The following PPFIBP2 variants were observed in gnomAD, a reference collection of about 807,000 sequenced individuals.
PPFIBP2 encodes PPFIB scaffold protein 2.
PPFIBP2 carries 118 observed loss-of-function variants against 118.3 expected under a neutral mutation model. That is an observed-to-expected ratio of 1.00 (90% CI 0.86 to 1.16). The LOEUF (loss-of-function observed/expected upper bound fraction) is 1.16, where lower values mean the gene tolerates loss of function less well. PPFIBP2 is among the 50% of genes most tolerant of loss of function. PPFIBP2 has a pLI of 0.00. For missense variants in PPFIBP2, 1,195 were observed against 1,073.1 expected (o/e 1.11, Z -1.59); for synonymous variants, 414 against 397.4 (o/e 1.04, Z -0.50).
intron 5 of PPFIBP2, among the ~76,000 whole-genome samples, chr11:7,601,869 G>A (rs1216923700): frequency 6.6e-6 from 1 of 151,842 alleles, no homozygotes; most frequent in East Asian, 1.9e-4. Flanking sequence ...CGAGGTGGAT[G>A]GATAACCCGA....
Position 7,641,548 on chromosome 11 carries a change from AATCAGGTCCTCAGTC to A in PPFIBP2, c.1446_1460del (p.Glu482_Ser487delinsAsp). On this transcript the variant is annotated inframe_deletion, in exon 16 of 24. Transcript: ENST00000299492. ...CTCTCATCCACATCATCGGGCACTG[AATCAGGTCCTCAGTC>A]TCCTCTGACACCAGATGGTAAACGG... 6.2e-7 allele frequency: 1 copy of A among 1,613,822 alleles called. No homozygotes were observed. The highest frequency in any genetic ancestry group is 8.5e-7 in the Non-Finnish European group (1 of 1,179,660).
chr11:7,615,542 C>T (rs1848539205), intron 6 of PPFIBP2, among the ~76,000 whole-genome samples: 3 of 152,072 alleles, frequency 2.0e-5, no homozygotes, highest in African/African-American at 7.3e-5. Context: ...ACACAAGGGG[C>T]AGTAATGGAG....
rs555631544 is a variant in PPFIBP2, at chr11:7,517,705, G to A, written c.-37+3584G>A. On this transcript the variant is annotated intron_variant, in intron 1 of 23. Coordinates refer to ENST00000299492, the MANE Select transcript of PPFIBP2 (RefSeq NM_003621.5). ...GACTTAGGAGGACTGGGTGGGTCCTGAAAAATTAGGTAAAGCAGAGTAGGT... is the reference window on the plus strand; with the variant it reads ...GACTTAGGAGGACTGGGTGGGTCCTAAAAAATTAGGTAAAGCAGAGTAGGT... Among the ~76,000 whole-genome samples, 58 of 152,188 alleles carry A rather than the reference G, an allele frequency of 3.8e-4. 1 individual carries two copies. Among genetic ancestry groups the A allele is most frequent in the Non-Finnish European group, 7.8e-4 (53 of 68,032 alleles).
the PPFIBP2 span, chr11:7,665,780 T>C: frequency 6.9e-7 from 1 of 1,447,206 alleles, no homozygotes; most frequent in Non-Finnish European, 9.3e-7. Flanking sequence ...TGCTGCTGTC[T>C]GTCAGCTGTC....
chr11:7,651,679 G>T lies in PPFIBP2; in HGVS notation c.2271G>T (p.Gly757=). ...AGATCCTGGAGCCACGCTTCACTGG[G>T]GACACCCTGGCTATGCTTCTCAACA... ...GLIILEPRFT[G]DTLAMLLNIP... is the part of the protein sequence containing the mutation. Residue 757 remains glycine, a synonymous_variant, in exon 23 of 24, where the codon GGG becomes GGT. Coordinates refer to ENST00000299492, the MANE Select transcript of PPFIBP2 (RefSeq NM_003621.5). 1 of 1,611,644 alleles carries T rather than the reference G, an allele frequency of 6.2e-7. No homozygotes were observed. The highest frequency in any genetic ancestry group is 8.5e-7 in the Non-Finnish European group (1 of 1,178,188).
At chr11:7,665,975 A>G in the PPFIBP2 span, 1 of 1,467,820 alleles carries the variant, frequency 6.8e-7, no homozygotes, top group Non-Finnish European at 9.2e-7. Context: ...GAGCAGTGTG[A>G]GAGGCGCGCC....
intron 1 of PPFIBP2, among the ~76,000 whole-genome samples, chr11:7,525,420 C>T (rs2134289655): frequency 6.6e-6 from 1 of 151,354 alleles, no homozygotes; most frequent in Non-Finnish European, 1.5e-5. Context: ...TGAGAGAAAT[C>T]ATTTATCAAG....
chr11:7,638,698 T>A (rs1055888978), intron 14 of PPFIBP2, among the ~76,000 whole-genome samples: 2 of 152,268 alleles, frequency 1.3e-5, no homozygotes, highest in African/African-American at 4.8e-5. Flanking sequence ...ATTCCTTTAG[T>A]GACATTGCTT....
At chr11:7,580,538 G>A (rs1451899790) in intron 3 of PPFIBP2, among the ~76,000 whole-genome samples, 1 of 152,178 alleles carries the variant, frequency 6.6e-6, no homozygotes, top group Non-Finnish European at 1.5e-5. Context: ...GAGGCATGGA[G>A]CTGGAGGGGA....
chr11:7,613,888 G>A (rs1426839087), intron 6 of PPFIBP2, among the ~76,000 whole-genome samples: 1 of 152,196 alleles, frequency 6.6e-6, no homozygotes, highest in Non-Finnish European at 1.5e-5. Context: ...CTGATCAGGG[G>A]TACACGTGAG....
At chr11:7,549,610 T>A in intron 2 of PPFIBP2, 71 bp downstream of exon 2, 5 of 277,198 alleles carry the variant, frequency 1.8e-5, no homozygotes, top group Non-Finnish European at 1.9e-5. Flanking sequence ...CTCCTTTTAC[T>A]TTTTTTTTTT....
At chr11:7,654,427 A>G (rs1048138143), downstream of PPFIBP2, among the ~76,000 whole-genome samples, 1 of 152,218 alleles carries the variant, frequency 6.6e-6, no homozygotes, top group Non-Finnish European at 1.5e-5. Flanking sequence ...ACACCACGTC[A>G]CCGCTGTCTG....
In PPFIBP2 at chr11:7,612,407, G is replaced by C. The variant is rs1479190817; in HGVS notation, c.618+1985G>C. Among the ~76,000 whole-genome samples the C allele has an allele frequency of 2.6e-5, 4 of 152,192 alleles. No individual in the cohort carries two copies. In the East Asian group the frequency reaches 5.8e-4, roughly 22 times the overall value. ...AGTCACCGCAGGGATCTGTGCATGA[G>C]GGGTGGGAGGTGCGAATATGAAAGT... is the stretch of plus-strand genomic sequence containing the variant. On this transcript the variant is annotated intron_variant, in intron 6 of 23. Coordinates refer to ENST00000299492, the MANE Select transcript of PPFIBP2 (RefSeq NM_003621.5).
intron 1 of PPFIBP2, among the ~76,000 whole-genome samples, chr11:7,521,481 G>A (rs1849757384): frequency 6.6e-6 from 1 of 152,122 alleles, no homozygotes; most frequent in African/African-American, 2.4e-5. Flanking sequence ...TTATCTTCCT[G>A]GAAAGCCCTT....
At chr11:7,663,124 G>A in the PPFIBP2 span, among the ~76,000 whole-genome samples, 16 of 129,792 alleles carry the variant, frequency 1.2e-4, 1 homozygote, top group African/African-American at 2.3e-4. Flanking sequence ...TAATTTGATC[G>A]TCTGAAGCCT....
intron 3 of PPFIBP2, among the ~76,000 whole-genome samples, chr11:7,586,584 A>G (rs2135128649): frequency 6.6e-6 from 1 of 152,244 alleles, no homozygotes; most frequent in Admixed American, 6.5e-5. Flanking sequence ...GTGAAGCATG[A>G]TTTTTTCTAT....
downstream of PPFIBP2, among the ~76,000 whole-genome samples, chr11:7,656,192 C>A (rs1854670048): frequency 6.6e-6 from 1 of 152,206 alleles, no homozygotes. Flanking sequence ...CCACAGAGCA[C>A]AGGATTTGTT....
chr11:7,562,851 C>T (rs948387938), intron 2 of PPFIBP2, among the ~76,000 whole-genome samples: 3 of 149,426 alleles, frequency 2.0e-5, no homozygotes, highest in Non-Finnish European at 3.0e-5. Context: ...TCACTTCCCT[C>T]ATCTAGTATT....
chr11:7,628,166 A>G, intron 8 of PPFIBP2, 119 bp from the exon 9 acceptor site: 1 of 782,538 alleles, frequency 1.3e-6, no homozygotes, highest in Non-Finnish European at 2.1e-6. Context: ...CTCTTTAAAG[A>G]ACTAAAGGAG....
Sources: gnomAD v4.1 joint callset for allele counts (sites outside exome capture counted in the v4.1 genomes callset) on GRCh38, gnomAD v4.1.1 for gene constraint, MANE v1.5 for transcripts, NCBI Gene and HGNC (gene_info 2026-07-23, HGNC 2026-07-21) for gene names.